LPP: variants seen among roughly 807,000 people sequenced by gnomAD.
LPP encodes LIM domain containing preferred translocation partner in lipoma.
In LPP, 38 loss-of-function variants were observed where a neutral mutation model predicts 60.4. The observed-to-expected ratio is 0.63, with a 90% CI of 0.49 to 0.83. The LOEUF is 0.83. Ranked by LOEUF, LPP falls within the 40% of genes least tolerant of loss-of-function variation. The pLI, the probability that LPP is intolerant of heterozygous loss-of-function variation, is 0.00. For synonymous variants in LPP, 328 were observed against 290.8 expected (o/e 1.13, Z -1.30); for missense variants, 902 against 783.6 (o/e 1.15, Z -1.80).
chr3:188,457,866 G>A lies in LPP; in HGVS notation c.194-26726G>A, dbSNP rs577821910. Among the ~76,000 whole-genome samples, 65 of 151,990 alleles carry A rather than the reference G, an allele frequency of 4.3e-4. 2 individuals are homozygous for A. In the South Asian group the frequency reaches 7.1e-3, roughly 17 times the overall value. On this transcript the variant is annotated intron_variant, in intron 4 of 11. Transcript: ENST00000617246. Reference sequence around the variant, plus strand: ...GGAGGTTGCAGTGATCCGAGATCACGCCCCTGCACTCCAGCCTGGGTGACA... The same window carrying A: ...GGAGGTTGCAGTGATCCGAGATCACACCCCTGCACTCCAGCCTGGGTGACA...
intron 5 of LPP, among the ~76,000 whole-genome samples, chr3:188,512,504 G>C (rs927673190): frequency 2.0e-5 from 3 of 151,680 alleles, no homozygotes; most frequent in African/African-American, 7.3e-5. Context: ...ATGAGCCAAG[G>C]TTGCAGTGAG....
Position 188,579,615 on chromosome 3 carries a change from C to T in LPP, c.430-29546C>T, listed in dbSNP as rs188263895. Among the ~76,000 whole-genome samples the T allele has an allele frequency of 5.2e-3, 775 of 149,908 alleles. 6 individuals carry two copies. Among genetic ancestry groups the T allele is most frequent in the Non-Finnish European group, 4.1e-3 (277 of 67,720 alleles). On this transcript the variant is annotated intron_variant, in intron 6 of 11. Coordinates refer to ENST00000617246, the MANE Select transcript of LPP (RefSeq NM_001375462.1). ...TTTTTAAATATAGTACTTCTAGTAA[C>T]TGAATATCTAACTTTATTAACAATT...
chr3:188,189,880 G>A (rs1299479625), intron 1 of LPP, among the ~76,000 whole-genome samples: 1 of 151,986 alleles, frequency 6.6e-6, no homozygotes. Flanking sequence ...TGTAGATGCT[G>A]CAAGCGAAGA....
At chr3:188,244,268 C>T (rs1406795231) in intron 2 of LPP, among the ~76,000 whole-genome samples, 2 of 152,204 alleles carry the variant, frequency 1.3e-5, no homozygotes, top group African/African-American at 4.8e-5. Flanking sequence ...AAATTGACAT[C>T]GTTGAGGTGG....
intron 4 of LPP, among the ~76,000 whole-genome samples, chr3:188,447,407 C>T (rs999204442): frequency 4.6e-5 from 7 of 151,924 alleles, no homozygotes; most frequent in Admixed American, 1.3e-4. Flanking sequence ...GTCAGGAGAT[C>T]GAGACCAGCC....
intron 7 of LPP, among the ~76,000 whole-genome samples, chr3:188,682,147 T>C (rs1042541160): frequency 6.6e-6 from 1 of 152,228 alleles, no homozygotes; most frequent in South Asian, 2.1e-4. Flanking sequence ...AGCTAGTTTT[T>C]GGCCATGGCA....
intron 8 of LPP, chr3:188,746,365 GAATAGATGA>G: frequency 4.5e-6 from 2 of 444,616 alleles, no homozygotes; most frequent in South Asian, 3.3e-5. Flanking sequence ...AAAACACGCT[GAATAGATGA>G]AAGGAACAAT....
rs1274391029 is a variant in LPP, at chr3:188,888,145, T to G, written c.*13666T>G. The G allele has an allele frequency of 4.5e-6, 1 of 220,142 alleles. No individual in the cohort carries two copies. The highest frequency in any genetic ancestry group is 9.1e-6 in the Non-Finnish European group (1 of 109,766). The allele number at this position is 220,142 out of a possible 1,614,324, so 13.6% of individuals were successfully genotyped here. On this transcript the variant is annotated 3_prime_UTR_variant, in exon 12 of 12. Coordinates refer to ENST00000617246, the MANE Select transcript of LPP (RefSeq NM_001375462.1). Reference sequence around the variant, plus strand: ...TATAATAAACCACTTTTGTTTTGTTTGTTTTGTCTTTTAACCTACACCTTT... The same window carrying G: ...TATAATAAACCACTTTTGTTTTGTTGGTTTTGTCTTTTAACCTACACCTTT...
At chr3:188,636,916 A>C (rs532639807) in intron 7 of LPP, among the ~76,000 whole-genome samples, 2 of 143,768 alleles carry the variant, frequency 1.4e-5, no homozygotes, top group Non-Finnish European at 3.0e-5. Flanking sequence ...GTACATCACC[A>C]TCATCAAAGA....
In LPP at chr3:188,874,834, G is replaced by T. The variant is rs1026498467; in HGVS notation, c.*355G>T. 4 of 245,576 alleles carry T rather than the reference G, an allele frequency of 1.6e-5. No individual in the cohort carries two copies. The highest frequency in any genetic ancestry group is 3.2e-5 in the Non-Finnish European group (4 of 125,242). 15.2% of individuals were successfully genotyped at this position (245,576 alleles called of 1,614,324 possible). The stretch of plus-strand genomic sequence containing the variant: ...TTAGTGTGGTATTTGCTGTCACATA[G>T]TTTTTCCTGGGTGAGTCTGCCAACT... On this transcript the variant is annotated 3_prime_UTR_variant, in exon 12 of 12. Transcript: ENST00000617246.
intron 2 of LPP, among the ~76,000 whole-genome samples, chr3:188,319,270 G>T (rs2150362416): frequency 6.6e-6 from 1 of 152,220 alleles, no homozygotes; most frequent in South Asian, 2.1e-4. Flanking sequence ...ATCCAACGGT[G>T]GTTTGGGAAG....
intron 3 of LPP, among the ~76,000 whole-genome samples, chr3:188,397,582 C>T (rs1425731297): frequency 6.6e-6 from 1 of 151,572 alleles, no homozygotes; most frequent in Non-Finnish European, 1.5e-5. Context: ...GAAAGTGCAG[C>T]GTGGAGGCAT....
chr3:188,395,092 A>G (rs1032903245), intron 3 of LPP, among the ~76,000 whole-genome samples: 6 of 152,164 alleles, frequency 3.9e-5, no homozygotes, highest in African/African-American at 1.4e-4. Flanking sequence ...GTTTTCTAAA[A>G]CTGTATCTCA....
chr3:188,787,871 G>A (rs929526982), intron 9 of LPP, among the ~76,000 whole-genome samples: 9 of 152,188 alleles, frequency 5.9e-5, no homozygotes, highest in African/African-American at 2.2e-4. Context: ...AAAATCTGCA[G>A]CTGGATCTCT....
Position 188,376,330 on chromosome 3 carries a change from G to T in LPP, c.-9-29782G>T, listed in dbSNP as rs545936206. On this transcript the variant is annotated intron_variant, in intron 3 of 11. Coordinates refer to ENST00000617246, the MANE Select transcript of LPP (RefSeq NM_001375462.1). ...TGTTAAAGTCTCCCATTATTATTGT[G>T]TGGGAGTCTAAGTCTCTTTGTAGGT... Among the ~76,000 whole-genome samples the T allele has an allele frequency of 2.0e-5, 3 of 151,878 alleles. No individual in the cohort carries two copies. In the East Asian group the frequency reaches 5.8e-4, roughly 29 times the overall value.
At chr3:188,484,570 G>T (rs755934606) in intron 4 of LPP, 22 bp from the exon 5 acceptor site, 1 of 1,527,978 alleles carries the variant, frequency 6.5e-7, no homozygotes, top group Non-Finnish European at 9.1e-7. Flanking sequence ...TTAACTTCAT[G>T]TTGTTTACTT....
At chr3:188,805,281 A>C (rs1179391648) in intron 9 of LPP, among the ~76,000 whole-genome samples, 1 of 151,922 alleles carries the variant, frequency 6.6e-6, no homozygotes, top group Non-Finnish European at 1.5e-5. Flanking sequence ...TTATTATTTA[A>C]ATGTTTGGTA....
intron 3 of LPP, among the ~76,000 whole-genome samples, chr3:188,364,787 C>T (rs573296223): frequency 1.1e-4 from 16 of 152,176 alleles, no homozygotes; most frequent in Middle Eastern, 6.8e-3. Context: ...CCATTCAGAC[C>T]GTTTGGAGGC....
chr3:188,636,048 A>C (rs1188265092), intron 7 of LPP, among the ~76,000 whole-genome samples: 1 of 152,244 alleles, frequency 6.6e-6, no homozygotes, highest in African/African-American at 2.4e-5. Flanking sequence ...AATTTCTGGG[A>C]GGAGCCAAGA....
Sources: gnomAD v4.1 joint callset for allele counts (sites outside exome capture counted in the v4.1 genomes callset) on GRCh38, gnomAD v4.1.1 for gene constraint, MANE v1.5 for transcripts, NCBI Gene and HGNC (gene_info 2026-07-23, HGNC 2026-07-21) for gene names.